Variants in JAM3 observed in about 807,000 individuals in gnomAD.
The protein encoded by JAM3 is junctional adhesion molecule C.
In JAM3, 31 loss-of-function variants were observed where a neutral mutation model predicts 39.4. The ratio of observed to expected loss-of-function variants is 0.79; its 90% CI spans 0.59 to 1.06. JAM3 has a LOEUF of 1.06. Ranked by LOEUF, JAM3 falls within the 50% of genes least tolerant of loss-of-function variation. JAM3 has a pLI of 0.00. For missense variants in JAM3, 455 were observed against 391.4 expected (o/e 1.16, Z -1.37); for synonymous variants, 182 against 148.7 (o/e 1.22, Z -1.63).
At chr11:134,143,540 C>A (rs1377610861) in intron 3 of JAM3, among the ~76,000 whole-genome samples, 1 of 152,176 alleles carries the variant, frequency 6.6e-6, no homozygotes, top group African/African-American at 2.4e-5. Flanking sequence ...ACCCTTATGT[C>A]CAGTTTTTAA....
chr11:134,131,236 G>A (rs553458145), intron 1 of JAM3, among the ~76,000 whole-genome samples: 1 of 147,324 alleles, frequency 6.8e-6, no homozygotes, highest in Non-Finnish European at 1.5e-5. Context: ...TCTTTTTTGG[G>A]GGGGCGGGGG....
intron 1 of JAM3, among the ~76,000 whole-genome samples, chr11:134,083,923 A>G (rs1238562511): frequency 1.3e-5 from 2 of 152,220 alleles, no homozygotes; most frequent in East Asian, 3.9e-4. Flanking sequence ...CTGCCCTTTC[A>G]TAGAGAATTG....
rs773197647 is a variant in JAM3, at chr11:134,146,057, T to C, written c.712+12T>C. The C allele has an allele frequency of 6.3e-7, 1 of 1,577,796 alleles. No homozygotes were observed. Among genetic ancestry groups the C allele is most frequent in the South Asian group, 1.1e-5 (1 of 90,400 alleles). ...GGAGATGGAAGTCTGTGAGTTTCTT[T>C]TTTGAAGAGGTTTCATCGCAAGACT... On this transcript the variant is annotated intron_variant, in intron 6 of 8. Transcript: ENST00000299106.
chr11:134,111,301 CCTG>C (rs1455927484), intron 1 of JAM3, among the ~76,000 whole-genome samples: 3 of 151,946 alleles, frequency 2.0e-5, no homozygotes, highest in South Asian at 2.1e-4. Flanking sequence ...GCCACCACGC[CCTG>C]CTAATTTTTT....
intron 1 of JAM3, among the ~76,000 whole-genome samples, chr11:134,121,852 C>CA: frequency 6.6e-6 from 1 of 151,978 alleles, no homozygotes; most frequent in African/African-American, 2.4e-5. Context: ...CACACACACA[C>CA]CCTCCTCCCA....
intron 1 of JAM3, among the ~76,000 whole-genome samples, chr11:134,133,964 C>A (rs1942814718): frequency 6.6e-6 from 1 of 152,080 alleles, no homozygotes; most frequent in African/African-American, 2.4e-5. Flanking sequence ...GCATTTAAAA[C>A]AACTCTGATT....
intron 1 of JAM3, among the ~76,000 whole-genome samples, chr11:134,115,751 G>A (rs554062836): frequency 5.9e-5 from 9 of 151,944 alleles, no homozygotes; most frequent in Admixed American, 1.3e-4. Context: ...AAAAAAATTA[G>A]CAAGGCATAG....
Position 134,139,895 on chromosome 11 carries a change from C to G in JAM3, c.121C>G (p.Pro41Ala), listed in dbSNP as rs747651436. 6.2e-7 allele frequency: 1 copy of G among 1,613,876 alleles called. No individual in the cohort carries two copies. Among genetic ancestry groups the G allele is most frequent in the Non-Finnish European group, 8.5e-7 (1 of 1,179,804 alleles). Reference sequence around the variant, plus strand: ...AAATCTCAAATCCAGCAATCGAACCCCAGTGGTACAGGAATTTGAAAGTAA... The same window carrying G: ...AAATCTCAAATCCAGCAATCGAACCGCAGTGGTACAGGAATTTGAAAGTAA... ...AVNLKSSNRT[P>A]VVQEFESVEL... The change falls in exon 2 of 9, where the codon CCA becomes GCA. Residue 41 changes from proline to alanine, a missense_variant. Transcript: ENST00000299106.
chr11:134,140,886 T>G (rs1027217577), intron 3 of JAM3, 116 bp downstream of exon 3: 45 of 674,736 alleles, frequency 6.7e-5, no homozygotes, highest in Non-Finnish European at 8.8e-5. Context: ...GCTAGGACCG[T>G]TTTTTTTTTT....
chr11:134,108,870 G>A (rs1259957992), intron 1 of JAM3, among the ~76,000 whole-genome samples: 2 of 152,104 alleles, frequency 1.3e-5, no homozygotes, highest in African/African-American at 4.8e-5. Context: ...AATAGAGGGA[G>A]TTTCCCAATC....
At chr11:134,144,749 C>A in intron 4 of JAM3, 43 bp from the exon 5 acceptor site, 2 of 1,515,222 alleles carry the variant, frequency 1.3e-6, no homozygotes, top group South Asian at 1.1e-5. Flanking sequence ...AAGAATAGAG[C>A]CCTGTCACTG....
chr11:134,133,631 G>C (rs1003080434), intron 1 of JAM3, among the ~76,000 whole-genome samples: 1 of 152,084 alleles, frequency 6.6e-6, no homozygotes, highest in African/African-American at 2.4e-5. Context: ...CCACTTGTTA[G>C]GTACTTAACT....
chr11:134,102,534 GAGA>G (rs1942095432), intron 1 of JAM3, among the ~76,000 whole-genome samples: 1 of 152,224 alleles, frequency 6.6e-6, no homozygotes, highest in Admixed American at 6.5e-5. Flanking sequence ...GATGAGTTGA[GAGA>G]AGAAGGCTTC....
chr11:134,115,803 G>A (rs1018199184), intron 1 of JAM3, among the ~76,000 whole-genome samples: 20 of 152,026 alleles, frequency 1.3e-4, no homozygotes, highest in Admixed American at 5.2e-4. Context: ...AAGCCAAGGT[G>A]GGAAGATGGT....
chr11:134,139,515 A>C, intron 1 of JAM3: 3 of 338,554 alleles, frequency 8.9e-6, no homozygotes, highest in Non-Finnish European at 1.7e-5. Flanking sequence ...GAGAAAGGGC[A>C]GAAGGCCCGG....
At position 134,146,035 on chromosome 11, in the gene JAM3, G is replaced by T. The variant is rs141227203; in HGVS notation, c.702G>T (p.Glu234Asp). The T allele has an allele frequency of 6.2e-7, 1 of 1,612,088 alleles. No individual in the cohort carries two copies. The highest frequency in any genetic ancestry group is 1.1e-5 in the South Asian group (1 of 91,062). ...DAGSARCEEQEMEVYDLNIGG... is the reference protein window; with the variant it reads ...DAGSARCEEQDMEVYDLNIGG... ...GCTCAGCCAGGTGTGAGGAGCAGGA[G>T]ATGGAAGTCTGTGAGTTTCTTTTTT... Residue 234 changes from glutamate to aspartate, a missense_variant, in exon 6 of 9, where the codon GAG (glutamate) becomes GAT (aspartate). Glu to Asp is a conservative substitution (Grantham distance 45). Coordinates refer to ENST00000299106, the MANE Select transcript of JAM3 (RefSeq NM_032801.5).
chr11:134,090,073 T>G (rs1475768277), intron 1 of JAM3, among the ~76,000 whole-genome samples: 1 of 152,238 alleles, frequency 6.6e-6, no homozygotes, highest in Non-Finnish European at 1.5e-5. Flanking sequence ...TGATGAGCAT[T>G]TTTTCATGTG....
chr11:134,107,578 G>C (rs143903276), intron 1 of JAM3, among the ~76,000 whole-genome samples: 1 of 151,974 alleles, frequency 6.6e-6, no homozygotes, highest in Non-Finnish European at 1.5e-5. Context: ...CAGTAACTAG[G>C]GTGAAATCTA....
chr11:134,146,023 T>G lies in JAM3; in HGVS notation c.690T>G (p.Cys230Trp). 6.2e-7 allele frequency: 1 copy of G among 1,613,776 alleles called. No individual in the cohort carries two copies. Among genetic ancestry groups the G allele is most frequent in the Non-Finnish European group, 8.5e-7 (1 of 1,179,692 alleles). Reference protein sequence around the residue: ...IASNDAGSARCEEQEMEVYDL... With the variant: ...IASNDAGSARWEEQEMEVYDL... ...CCAATGACGCAGGCTCAGCCAGGTG[T>G]GAGGAGCAGGAGATGGAAGTCTGTG... The change falls in exon 6 of 9, where the codon TGT becomes TGG. Residue 230 changes from cysteine to tryptophan, a missense_variant. Transcript: ENST00000299106.
Sources: allele counts gnomAD v4.1 joint callset (sites outside exome capture counted in the v4.1 genomes callset), GRCh38; gene constraint gnomAD v4.1.1; transcripts MANE v1.5; gene names NCBI Gene and HGNC (gene_info 2026-07-23, HGNC 2026-07-21).